GNAI3: variants seen among roughly 807,000 people sequenced by gnomAD.
The protein encoded by GNAI3 is G protein subunit alpha i3, also known as guanine nucleotide-binding protein G(i) subunit alpha-3.
Under a neutral mutation model 41.8 loss-of-function variants are expected in GNAI3, and 12 were observed. The observed-to-expected ratio is 0.29, with a 90% CI of 0.18 to 0.47. The LOEUF is 0.47. Ranked by LOEUF, GNAI3 falls within the 20% of genes least tolerant of loss-of-function variation. GNAI3 has a pLI of 1.00. For missense variants in GNAI3, 360 were observed against 429.6 expected, an observed-to-expected ratio of 0.84 and a Z score of 1.43; for synonymous variants, 132 against 146.5, an observed-to-expected ratio of 0.90 and a Z score of 0.71.
chr1:109,572,944 G>A (rs965013826), intron 1 of GNAI3, among the ~76,000 whole-genome samples: 1 of 152,174 alleles, frequency 6.6e-6, no homozygotes, highest in Non-Finnish European at 1.5e-5. Flanking sequence ...GGTACAGATA[G>A]ACTGGTAGAT....
At chr1:109,580,434 G>T (rs553453379) in intron 4 of GNAI3, among the ~76,000 whole-genome samples, 2 of 151,990 alleles carry the variant, frequency 1.3e-5, no homozygotes, top group Non-Finnish European at 2.9e-5. Context: ...TACTTTTCAC[G>T]TCATGATTCT....
intron 1 of GNAI3, among the ~76,000 whole-genome samples, chr1:109,552,432 T>C (rs1027719722): frequency 2.0e-5 from 3 of 152,260 alleles, no homozygotes; most frequent in South Asian, 2.1e-4. Flanking sequence ...TTTGGTAATT[T>C]GGTTATTTAC....
chr1:109,575,492 C>T (rs997585781), intron 3 of GNAI3, among the ~76,000 whole-genome samples: 9 of 150,224 alleles, frequency 6.0e-5, no homozygotes, highest in Non-Finnish European at 7.4e-5. Flanking sequence ...TTTTATTCCC[C>T]GCCGTCTGTC....
intron 7 of GNAI3, chr1:109,591,417 A>G: frequency 1.6e-6 from 1 of 632,372 alleles, no homozygotes; most frequent in Non-Finnish European, 2.8e-6. Context: ...AAGGACATCT[A>G]AAAGCAAACT....
In GNAI3 at chr1:109,579,240, G is replaced by A. The variant is rs1326040014; in HGVS notation, c.340G>A (p.Ala114Thr). Residue 114 changes from alanine (A) to threonine (T), a missense_variant, in exon 4 of 9, where the codon GCT becomes ACT. Transcript: ENST00000369851. ...GCAATTATTTGTTTTAGCTGGCAGTGCTGAAGAAGGAGTCATGACTCCAGA... is the reference window on the plus strand; with the variant it reads ...GCAATTATTTGTTTTAGCTGGCAGTACTGAAGAAGGAGTCATGACTCCAGA... ...ARQLFVLAGS[A>T]EEGVMTPELA... 11 of 1,613,222 alleles carry A rather than the reference G, an allele frequency of 6.8e-6. No individual in the cohort carries two copies. The highest frequency in any genetic ancestry group is 9.3e-6 in the Non-Finnish European group (11 of 1,179,464).
At chr1:109,572,240 G>A (rs554313019) in intron 1 of GNAI3, among the ~76,000 whole-genome samples, 6 of 152,246 alleles carry the variant, frequency 3.9e-5, no homozygotes, top group Middle Eastern at 3.4e-3. Flanking sequence ...AACCTGGGAG[G>A]CGGAGGTTGC....
Position 109,595,566 on chromosome 1 carries a change from G to C in GNAI3, c.*3244G>C, listed in dbSNP as rs547555405. 2.1e-4 allele frequency: 32 copies of C among 151,888 alleles called. No homozygotes were observed. The highest frequency in any genetic ancestry group is 7.7e-4 in the African/African-American group (32 of 41,426). The allele number at this position is 151,888 out of a possible 1,614,324, so 9.4% of individuals were successfully genotyped here. A position where few individuals can be genotyped will look rare whatever the true frequency, so the allele number is the denominator to read the frequency against. On this transcript the variant is annotated 3_prime_UTR_variant, in exon 9 of 9. Coordinates refer to ENST00000369851, the MANE Select transcript of GNAI3 (RefSeq NM_006496.4). ...ATTAGACTATTTTAAAATAACAGCT[G>C]GTTTTTGTAATTCATTCATTCACCC...
At chr1:109,578,899 T>G (rs1204604650) in intron 3 of GNAI3, among the ~76,000 whole-genome samples, 2 of 152,142 alleles carry the variant, frequency 1.3e-5, no homozygotes, top group East Asian at 3.9e-4. Flanking sequence ...TCTCAAAAAT[T>G]ATTAGCAATC....
In GNAI3 at chr1:109,548,706, T is replaced by C; in HGVS notation, c.-15T>C. 6.3e-7 allele frequency: 1 copy of C among 1,592,568 alleles called. No homozygotes were observed. Among genetic ancestry groups the C allele is most frequent in the Non-Finnish European group, 8.6e-7 (1 of 1,161,884 alleles). ...TGAGTGAGTCCGGGCCCGTGTCCCCTCTCCCGCCGCCGCCATGGGCTGCAC... is the reference window on the plus strand; with the variant it reads ...TGAGTGAGTCCGGGCCCGTGTCCCCCCTCCCGCCGCCGCCATGGGCTGCAC... On this transcript the variant is annotated 5_prime_UTR_variant, in exon 1 of 9. Transcript: ENST00000369851.
At position 109,554,079 on chromosome 1, in the gene GNAI3, GGTGT is replaced by G. The variant is rs34209492; in HGVS notation, c.118+5260_118+5263del. ...GAGTAGTGTTCCATGGGTGTAGAGG[GGTGT>G]GTGTGTGTGTGTGTGTGTATATCAC... is the stretch of plus-strand genomic sequence containing the variant. On this transcript the variant is annotated intron_variant, in intron 1 of 8. Transcript: ENST00000369851. 2.7e-3 allele frequency among the ~76,000 whole-genome samples: 403 copies of G among 149,958 alleles called. 5 individuals are homozygous for G. Among genetic ancestry groups the G allele is most frequent in the South Asian group, 0.021 (98 of 4,728 alleles).
chr1:109,599,780 C>T lies in GNAI3; in HGVS notation c.*7458C>T, dbSNP rs952114819. 17 of 152,210 alleles carry T rather than the reference C, an allele frequency of 1.1e-4. No individual in the cohort carries two copies. Among genetic ancestry groups the T allele is most frequent in the Admixed American group, 3.9e-4 (6 of 15,284 alleles). The allele number at this position is 152,210 out of a possible 1,614,324, so 9.4% of individuals were successfully genotyped here. On this transcript the variant is annotated 3_prime_UTR_variant, in exon 9 of 9. Transcript: ENST00000369851. ...TGGAGGTGGTTTTGTTAAATGTCCA[C>T]GATTTAGAGACGGCATAATGAAAAA...
chr1:109,580,809 A>G (rs1571159668), intron 4 of GNAI3, among the ~76,000 whole-genome samples: 1 of 152,356 alleles, frequency 6.6e-6, no homozygotes, highest in Admixed American at 6.5e-5. Context: ...TCACTAGCAT[A>G]CATTTATACA....
At chr1:109,577,381 A>G (rs970439844) in intron 3 of GNAI3, among the ~76,000 whole-genome samples, 7 of 151,632 alleles carry the variant, frequency 4.6e-5, no homozygotes, top group South Asian at 2.1e-4. Context: ...GGTTCAAGCA[A>G]TTCTCCTGCC....
chr1:109,566,649 C>A (rs1387147367), intron 1 of GNAI3, among the ~76,000 whole-genome samples: 1 of 152,180 alleles, frequency 6.6e-6, no homozygotes, highest in Admixed American at 6.5e-5. Flanking sequence ...GCAACCTCCA[C>A]CTCCTGGATT....
intron 1 of GNAI3, among the ~76,000 whole-genome samples, chr1:109,554,315 C>G (rs1321471134): frequency 6.6e-6 from 1 of 152,140 alleles, no homozygotes; most frequent in Non-Finnish European, 1.5e-5. Flanking sequence ...CACTGTTTCC[C>G]ATAGTGGTTG....
chr1:109,588,312 G>C (rs1245963994), intron 7 of GNAI3, among the ~76,000 whole-genome samples: 3 of 151,364 alleles, frequency 2.0e-5, no homozygotes, highest in Non-Finnish European at 4.4e-5. Flanking sequence ...AACCCGGGAG[G>C]CAGAGCTTGC....
At chr1:109,586,689 C>G in intron 6 of GNAI3, 40 bp from the exon 7 acceptor site, 1 of 1,458,014 alleles carries the variant, frequency 6.9e-7, no homozygotes, top group Non-Finnish European at 9.4e-7. Context: ...TCCACTTTTA[C>G]TATTTGCTAC....
intron 5 of GNAI3, 86 bp from the exon 6 acceptor site, chr1:109,586,130 A>G: frequency 1.8e-6 from 2 of 1,104,342 alleles, no homozygotes; most frequent in South Asian, 3.8e-5. Flanking sequence ...TTGAATATGT[A>G]ATAGTGGGAA....
chr1:109,555,191 T>G (rs546221258), intron 1 of GNAI3, among the ~76,000 whole-genome samples: 216 of 152,114 alleles, frequency 1.4e-3, no homozygotes, highest in African/African-American at 5.1e-3. Context: ...ATCCTAAAAT[T>G]CATGTGGACC....
Sources: gnomAD v4.1 joint callset for allele counts (sites outside exome capture counted in the v4.1 genomes callset) on GRCh38, gnomAD v4.1.1 for gene constraint, MANE v1.5 for transcripts, NCBI Gene and HGNC (gene_info 2026-07-23, HGNC 2026-07-21) for gene names.